SERINC2: variants seen among roughly 807,000 people sequenced by gnomAD.
The protein encoded by SERINC2 is tumor differentially expressed protein 2.
SERINC2 carries 56 observed loss-of-function variants against 54.2 expected under a neutral mutation model. The observed-to-expected ratio is 1.03, with a 90% CI of 0.83 to 1.29. The LOEUF (loss-of-function observed/expected upper bound fraction) is 1.29, where lower values mean the gene tolerates loss of function less well. Ranked by LOEUF, SERINC2 falls within the 50% of genes most tolerant of loss-of-function variation. The pLI is 0.00. For synonymous variants in SERINC2, 272 were observed against 253.1 expected, an observed-to-expected ratio of 1.07 and a Z score of -0.71; for missense variants, 614 against 607.4, an observed-to-expected ratio of 1.01 and a Z score of -0.12.
At chr1:31,433,226 G>A in intron 9 of SERINC2, 41 bp downstream of exon 9, 1 of 1,541,802 alleles carries the variant, frequency 6.5e-7, no homozygotes, top group Non-Finnish European at 9.0e-7. Flanking sequence ...CGGAGGTGCA[G>A]GGTGCAGGTC....
At chr1:31,432,165 T>TAGGGTGGATAGGGTGGAC (rs1641304722) in intron 8 of SERINC2, among the ~76,000 whole-genome samples, 2 of 19,686 alleles carry the variant, frequency 1.0e-4, no homozygotes, top group Non-Finnish European at 2.6e-4. Flanking sequence ...ACAGGGTGGA[T>TAGGGTGGATAGGGTGGAC]AGGGTGGATA....
chr1:31,431,301 C>CT (rs1641190462), intron 8 of SERINC2, among the ~76,000 whole-genome samples: 1 of 83,158 alleles, frequency 1.2e-5, no homozygotes, highest in African/African-American at 3.7e-5. Context: ...CTTAAAAAAA[C>CT]ATTTTTTTTT....
intron 8 of SERINC2, 57 bp from the exon 9 acceptor site, chr1:31,432,910 A>C: frequency 7.3e-7 from 1 of 1,377,778 alleles, no homozygotes; most frequent in South Asian, 1.2e-5. Flanking sequence ...ATTTGTGTCC[A>C]GTGTTATGAG....
intron 1 of SERINC2, among the ~76,000 whole-genome samples, chr1:31,419,460 A>G (rs1180762458): frequency 6.6e-6 from 1 of 152,136 alleles, no homozygotes; most frequent in Non-Finnish European, 1.5e-5. Flanking sequence ...TTACCTACAT[A>G]TTTGCCCCAT....
At position 31,428,948 on chromosome 1, in the gene SERINC2, C is replaced by G. The variant is rs545013777; in HGVS notation, c.781-30C>G. On this transcript the variant is annotated intron_variant, in intron 6 of 9. Coordinates refer to ENST00000373709, the MANE Select transcript of SERINC2 (RefSeq NM_178865.5). ...GTGGGGTGGGGTGTCTCTGGTCTGG[C>G]AGGGGTCTTACCAGGGGTCCTCTTG... 7 of 1,595,800 alleles carry G rather than the reference C, an allele frequency of 4.4e-6. No homozygotes were observed. In the East Asian group the frequency reaches 1.6e-4, roughly 36 times the overall value.
In SERINC2 at chr1:31,434,295, G is replaced by A; in HGVS notation, c.*96G>A. ...GCCCCCTCCCCACACCAATCAGCCA[G>A]GCTGAGCCCCCACCCCTGCCCCAGC... is the stretch of plus-strand genomic sequence containing the variant. On this transcript the variant is annotated 3_prime_UTR_variant, in exon 10 of 10. Transcript: ENST00000373709. 4 of 1,340,834 alleles carry A rather than the reference G, an allele frequency of 3.0e-6. No homozygotes were observed. The Admixed American group carries it at 5.6e-5, about 19-fold the overall frequency. The allele number at this position is 1,340,834 out of a possible 1,614,324, so 83.1% of individuals were successfully genotyped here.
rs1557501056 is a variant in SERINC2, at chr1:31,432,083, T to TGGATAGGGTGGA, written c.1014-884_1014-883insGGATAGGGTGGA. Among the ~76,000 whole-genome samples the TGGATAGGGTGGA allele has an allele frequency of 4.6e-4, 9 of 19,394 alleles. 2 individuals are homozygous for TGGATAGGGTGGA. The highest frequency in any genetic ancestry group is 1.0e-3 in the Admixed American group (2 of 1,970). 12.7% of individuals were successfully genotyped at this position (19,394 alleles called of 152,430 possible). A position where few individuals can be genotyped will look rare whatever the true frequency, so the allele number is the denominator to read the frequency against. On this transcript the variant is annotated intron_variant, in intron 8 of 9. Transcript: ENST00000373709. ...AGGGTGGACAGGGTGGACAGGGTGGTTAGGGTGGACAGGGTGGACAGGGTG... is the reference window on the plus strand; with the variant it reads ...AGGGTGGACAGGGTGGACAGGGTGGTGGATAGGGTGGATAGGGTGGACAGGGTGGACAGGGTG...
chr1:31,413,079 C>G (rs1402878172), upstream of SERINC2: 2 of 965,892 alleles, frequency 2.1e-6, no homozygotes, highest in Non-Finnish European at 2.5e-6. This position sits in a 1 kb window ranked among gnomAD's most constrained non-coding sequence, Gnocchi z 5.0. Context: ...TAGGGTCCCT[C>G]CTGGCGCACC....
At chr1:31,412,101 A>G (rs1640661089), upstream of SERINC2, among the ~76,000 whole-genome samples, 1 of 151,968 alleles carries the variant, frequency 6.6e-6, no homozygotes. Flanking sequence ...GTCCTGGTGC[A>G]ATTAATGGCT....
At chr1:31,429,856 C>A (rs1641148960) in intron 8 of SERINC2, among the ~76,000 whole-genome samples, 1 of 152,110 alleles carries the variant, frequency 6.6e-6, no homozygotes, top group Non-Finnish European at 1.5e-5. Context: ...TGTTTCTCCC[C>A]TGCTGTGCGG....
At position 31,424,547 on chromosome 1, in the gene SERINC2, C is replaced by G. The variant is rs1640981480; in HGVS notation, c.202-136C>G. ...GGAGATAGAGGTGAGGGGCTCCCCT[C>G]CCTGTCTGGTCCAGCCCCTGCTGGG... On this transcript the variant is annotated intron_variant, in intron 2 of 9. Transcript: ENST00000373709. The G allele has an allele frequency of 5.8e-6, 4 of 692,162 alleles. No individual in the cohort carries two copies. In the South Asian group the frequency reaches 7.9e-5, roughly 14 times the overall value. 42.9% of individuals were successfully genotyped at this position (692,162 alleles called of 1,614,324 possible). A position where few individuals can be genotyped will look rare whatever the true frequency, so the allele number is the denominator to read the frequency against.
Position 31,425,340 on chromosome 1 carries a change from T to C in SERINC2, c.403T>C (p.Phe135Leu), listed in dbSNP as rs368826729. 83 of 1,612,474 alleles carry C rather than the reference T, an allele frequency of 5.1e-5. No homozygotes were observed. Among genetic ancestry groups the C allele is most frequent in the Non-Finnish European group, 6.5e-5 (77 of 1,178,546 alleles). ...CGACCCCTTCTGTAGGTTTTGGTTC[T>C]TTAAGTTCCTGATCCTGGTGGGCCT... is the stretch of plus-strand genomic sequence containing the variant. ...RAAIQNGFWF[F>L]KFLILVGLTV... Residue 135 changes from phenylalanine to leucine, a missense_variant, in exon 4 of 10, where the codon TTT becomes CTT. By Grantham distance (22) the Phe-to-Leu change is conservative. Transcript: ENST00000373709.
At chr1:31,420,558 A>G (rs1640881360) in intron 1 of SERINC2, among the ~76,000 whole-genome samples, 1 of 150,696 alleles carries the variant, frequency 6.6e-6, no homozygotes, top group Non-Finnish European at 1.5e-5. Flanking sequence ...TTTTTTCATC[A>G]CTGGGATGTA....
chr1:31,411,808 GA>G (rs1427545341), upstream of SERINC2, among the ~76,000 whole-genome samples: 1 of 151,828 alleles, frequency 6.6e-6, no homozygotes, highest in Non-Finnish European at 1.5e-5. Flanking sequence ...GACTAGCCTG[GA>G]CAACATAAGG....
chr1:31,413,146 C>T (rs1259508359), upstream of SERINC2: 12 of 1,000,404 alleles, frequency 1.2e-5, no homozygotes, highest in Non-Finnish European at 1.3e-5. The surrounding 1 kb of genome is among the most constrained non-coding windows in gnomAD (Gnocchi z 5.0). Flanking sequence ...CGAGCGGCTT[C>T]GGTAGGTGGG....
At chr1:31,409,877 G>C, upstream of SERINC2, 1 of 1,544,098 alleles carries the variant, frequency 6.5e-7, no homozygotes, top group African/African-American at 1.4e-5. Context: ...GGAGAGAATG[G>C]ATTGGGGGCA....
intron 8 of SERINC2, among the ~76,000 whole-genome samples, chr1:31,431,384 G>T (rs577767480): frequency 8.4e-4 from 126 of 150,792 alleles, no homozygotes; most frequent in Non-Finnish European, 1.5e-3. Context: ...ACCTCAGCCT[G>T]CCAAAGTGTT....
intron 8 of SERINC2, among the ~76,000 whole-genome samples, chr1:31,432,096 G>A (rs1223028173): frequency 1.6e-4 from 20 of 127,702 alleles, no homozygotes; most frequent in African/African-American, 4.2e-4. Context: ...GGGTGGACAG[G>A]GTGGACAGGG....
chr1:31,425,016 T>G (rs1346571245), intron 3 of SERINC2, 143 bp downstream of exon 3: 1 of 680,488 alleles, frequency 1.5e-6, no homozygotes, highest in Admixed American at 2.9e-5. Context: ...CTGAGTTATA[T>G]CCATTTCTCA....
Sources: allele counts gnomAD v4.1 joint callset (sites outside exome capture counted in the v4.1 genomes callset), GRCh38; gene constraint gnomAD v4.1.1; non-coding constraint Gnocchi (gnomAD v3.1); transcripts MANE v1.5; gene names NCBI Gene and HGNC (gene_info 2026-07-23, HGNC 2026-07-21).